KIAA1217: variants seen among roughly 807,000 people sequenced by gnomAD.
KIAA1217 encodes the protein sickle tail protein homolog.
A neutral mutation model predicts 163.9 loss-of-function variants in KIAA1217; 88 were observed. The ratio of observed to expected loss-of-function variants is 0.54; its 90% CI spans 0.45 to 0.64. The LOEUF is 0.64. Among genes scored for constraint, KIAA1217 ranks in the 30% least tolerant of loss-of-function variants. The probability of loss-of-function intolerance (pLI) is 0.00; values close to 1 mark genes in which losing one functional copy is unlikely to be tolerated. For missense variants in KIAA1217, 2,372 were observed against 2,475.0 expected (o/e 0.96, Z 0.88); for synonymous variants, 903 against 923.1 (o/e 0.98, Z 0.39).
intron 1 of KIAA1217, among the ~76,000 whole-genome samples, chr10:24,004,165 G>T (rs1265087084): frequency 6.6e-6 from 1 of 152,040 alleles, no homozygotes; most frequent in Admixed American, 6.6e-5. Flanking sequence ...TTTTAGTAGA[G>T]ACGGGGTTTC....
intron 9 of KIAA1217, among the ~76,000 whole-genome samples, chr10:24,507,946 A>G (rs1006046040): frequency 6.6e-6 from 1 of 152,242 alleles, no homozygotes; most frequent in African/African-American, 2.4e-5. Context: ...AAGTCAGGAC[A>G]CAGTGGAATG....
intron 2 of KIAA1217, among the ~76,000 whole-genome samples, chr10:24,163,420 T>C (rs1388878909): frequency 2.0e-5 from 3 of 152,226 alleles, no homozygotes; most frequent in Admixed American, 2.0e-4. Flanking sequence ...TATATCTTAA[T>C]TGCCATTAAG....
intron 3 of KIAA1217, among the ~76,000 whole-genome samples, chr10:24,424,909 GT>G (rs2059060341): frequency 1.3e-5 from 2 of 152,128 alleles, no homozygotes; most frequent in Non-Finnish European, 2.9e-5. Flanking sequence ...CCTCTTTTTA[GT>G]TTTAAATCAT....
At chr10:23,910,206 G>T (rs1450822690) in intron 1 of KIAA1217, among the ~76,000 whole-genome samples, 1 of 151,928 alleles carries the variant, frequency 6.6e-6, no homozygotes, top group South Asian at 2.1e-4. Context: ...TAGATGATGG[G>T]TTGATGGGTG....
chr10:23,801,695 G>A (rs1291863237), intron 1 of KIAA1217, among the ~76,000 whole-genome samples: 1 of 152,118 alleles, frequency 6.6e-6, no homozygotes, highest in African/African-American at 2.4e-5. Flanking sequence ...AGACACCCCA[G>A]GTGTAGATAC....
chr10:24,078,531 A>T (rs552706696), intron 2 of KIAA1217, among the ~76,000 whole-genome samples: 3 of 152,288 alleles, frequency 2.0e-5, no homozygotes, highest in Admixed American at 2.0e-4. Flanking sequence ...AGCAATGCTG[A>T]TGTGTGGGCA....
chr10:24,026,110 G>T (rs1847929689), intron 2 of KIAA1217, among the ~76,000 whole-genome samples: 1 of 151,614 alleles, frequency 6.6e-6, no homozygotes, highest in South Asian at 2.1e-4. Flanking sequence ...TACATTTCTG[G>T]GATATATTCT....
chr10:24,438,074 C>A (rs2131969814), intron 4 of KIAA1217, among the ~76,000 whole-genome samples: 1 of 151,010 alleles, frequency 6.6e-6, no homozygotes, highest in Middle Eastern at 3.4e-3. Context: ...TTTTTTAAAG[C>A]CTTAGTTTCC....
intron 2 of KIAA1217, among the ~76,000 whole-genome samples, chr10:24,108,862 C>T (rs920987906): frequency 1.3e-5 from 2 of 152,176 alleles, no homozygotes; most frequent in African/African-American, 2.4e-5. Context: ...GACTATGTTT[C>T]ACTCTGTTGC....
intron 1 of KIAA1217, among the ~76,000 whole-genome samples, chr10:23,987,579 G>T (rs1846035501): frequency 6.6e-6 from 1 of 150,708 alleles, no homozygotes; most frequent in Non-Finnish European, 1.5e-5. Context: ...TCAAATTAAT[G>T]TATTCATTAC....
chr10:23,875,927 C>T (rs1564498157), intron 1 of KIAA1217, among the ~76,000 whole-genome samples: 1 of 129,426 alleles, frequency 7.7e-6, no homozygotes, highest in Admixed American at 9.1e-5. Context: ...GGGAGGGGAA[C>T]ATCACACACT....
chr10:24,349,790 TAAAA>T (rs2048230468), intron 2 of KIAA1217, among the ~76,000 whole-genome samples: 1 of 152,208 alleles, frequency 6.6e-6, no homozygotes, highest in Admixed American at 6.5e-5. Context: ...TTTTTCTTCT[TAAAA>T]AGAAAGGAAT....
chr10:24,021,113 T>C (rs528133803), intron 2 of KIAA1217, among the ~76,000 whole-genome samples: 3 of 152,036 alleles, frequency 2.0e-5, no homozygotes, highest in African/African-American at 7.2e-5. Flanking sequence ...TAAAGGAACA[T>C]ATGACTAGTA....
intron 2 of KIAA1217, among the ~76,000 whole-genome samples, chr10:24,031,011 T>C (rs116448193): frequency 0.018 from 2,789 of 152,318 alleles, 89 homozygotes; most frequent in African/African-American, 0.064. Context: ...TCTGTTCGAA[T>C]CTTTGCTTTC....
At chr10:24,526,617 G>A (rs974502733) in intron 13 of KIAA1217, among the ~76,000 whole-genome samples, 1 of 152,144 alleles carries the variant, frequency 6.6e-6, no homozygotes, top group Non-Finnish European at 1.5e-5. Context: ...TGATCCACAG[G>A]TATGGAGGCC....
At chr10:23,867,386 A>C (rs1183391067) in intron 1 of KIAA1217, among the ~76,000 whole-genome samples, 3 of 152,092 alleles carry the variant, frequency 2.0e-5, no homozygotes, top group Non-Finnish European at 4.4e-5. Flanking sequence ...TGGCTGGGTC[A>C]AATGGTATTT....
chr10:23,867,551 T>C (rs988064576), intron 1 of KIAA1217, among the ~76,000 whole-genome samples: 1 of 152,224 alleles, frequency 6.6e-6, no homozygotes, highest in Non-Finnish European at 1.5e-5. Flanking sequence ...TTCTAACTGG[T>C]GTGAGATGGT....
At chr10:24,041,427 G>A (rs1012639202) in intron 2 of KIAA1217, among the ~76,000 whole-genome samples, 1 of 152,150 alleles carries the variant, frequency 6.6e-6, no homozygotes, top group African/African-American at 2.4e-5. Flanking sequence ...TGTAAAGCAC[G>A]CTAAGTACAA....
intron 2 of KIAA1217, among the ~76,000 whole-genome samples, chr10:24,074,878 T>C (rs2061318425): frequency 6.6e-6 from 1 of 152,034 alleles, no homozygotes; most frequent in Admixed American, 6.6e-5. Flanking sequence ...TTTGTATTTC[T>C]TGTAAAGATG....
Sources: gnomAD v4.1 joint callset for allele counts (sites outside exome capture counted in the v4.1 genomes callset) on GRCh38, gnomAD v4.1.1 for gene constraint, MANE v1.5 for transcripts, NCBI Gene and HGNC (gene_info 2026-07-23, HGNC 2026-07-21) for gene names.